Variants in FAM135B observed in about 807,000 individuals in gnomAD.
FAM135B encodes family with sequence similarity 135 member B.
In FAM135B, 43 loss-of-function variants were observed where a neutral mutation model predicts 127.7. The ratio of observed to expected loss-of-function variants is 0.34; its 90% CI spans 0.26 to 0.43. The LOEUF is 0.43. FAM135B is among the 20% of genes least tolerant of loss of function. The pLI, the probability that FAM135B is intolerant of heterozygous loss-of-function variation, is 1.00. For synonymous variants in FAM135B, 670 were observed against 665.1 expected, an observed-to-expected ratio of 1.01 and a Z score of -0.11; for missense variants, 1,558 against 1,725.6, an observed-to-expected ratio of 0.90 and a Z score of 1.72.
chr8:138,388,804 C>T (rs1832370452), intron 1 of FAM135B, among the ~76,000 whole-genome samples: 1 of 152,116 alleles, frequency 6.6e-6, no homozygotes, highest in African/African-American at 2.4e-5. Context: ...CTCAGTAGGA[C>T]ATTACAATGG....
Position 138,442,236 on chromosome 8 carries a change from C to CTATATATATA in FAM135B, c.-20+54434_-20+54435insTATATATATA, listed in dbSNP as rs1564005402. ...AAATTTAACGTGAAGAATATGGACA[C>CTATATATATA]CATATATATATATATATATATATAT... On this transcript the variant is annotated intron_variant, in intron 1 of 19. Coordinates refer to ENST00000395297, the MANE Select transcript of FAM135B (RefSeq NM_015912.4). Among the ~76,000 whole-genome samples the CTATATATATA allele has an allele frequency of 8.6e-3, 113 of 13,070 alleles. 15 individuals carry two copies. Among genetic ancestry groups the CTATATATATA allele is most frequent in the Admixed American group, 0.011 (8 of 736 alleles). The allele number at this position is 13,070 out of a possible 152,430, so 8.6% of individuals were successfully genotyped here.
At chr8:138,401,991 T>C (rs1833177954) in intron 1 of FAM135B, among the ~76,000 whole-genome samples, 1 of 152,126 alleles carries the variant, frequency 6.6e-6, no homozygotes, top group East Asian at 1.9e-4. Flanking sequence ...GTCTACTGTA[T>C]GCCTGTCCCT....
At chr8:138,446,820 T>C (rs1229299599) in intron 1 of FAM135B, among the ~76,000 whole-genome samples, 1 of 151,542 alleles carries the variant, frequency 6.6e-6, no homozygotes, top group African/African-American at 2.4e-5. Flanking sequence ...CTAATTAAAC[T>C]AAAGAGCTTC....
chr8:138,445,017 A>AT (rs1157899508), intron 1 of FAM135B, among the ~76,000 whole-genome samples: 1 of 152,242 alleles, frequency 6.6e-6, no homozygotes, highest in Non-Finnish European at 1.5e-5. Context: ...AGAGAATACT[A>AT]TAAACACCTC....
chr8:138,432,695 T>A (rs1424069784), intron 1 of FAM135B, among the ~76,000 whole-genome samples: 5 of 152,012 alleles, frequency 3.3e-5, no homozygotes, highest in Admixed American at 2.0e-4. Context: ...ATTTTGCTCT[T>A]TCATCTTCTA....
chr8:138,370,007 A>G (rs1483785391), intron 1 of FAM135B, among the ~76,000 whole-genome samples: 1 of 152,120 alleles, frequency 6.6e-6, no homozygotes, highest in African/African-American at 2.4e-5. Context: ...CCAGCCTACC[A>G]TCTACTACAC....
At chr8:138,263,721 T>G (rs1256802143) in intron 4 of FAM135B, among the ~76,000 whole-genome samples, 1 of 152,146 alleles carries the variant, frequency 6.6e-6, no homozygotes, top group African/African-American at 2.4e-5. Context: ...ACAGGGCACA[T>G]GGTGGATGCT....
intron 7 of FAM135B, among the ~76,000 whole-genome samples, chr8:138,216,064 T>C (rs1818519378): frequency 6.6e-6 from 1 of 152,156 alleles, no homozygotes; most frequent in Non-Finnish European, 1.5e-5. Flanking sequence ...TACATGCTAC[T>C]ACACCTACAG....
chr8:138,189,245 T>C (rs1441606925), intron 9 of FAM135B, among the ~76,000 whole-genome samples: 1 of 152,156 alleles, frequency 6.6e-6, no homozygotes, highest in Non-Finnish European at 1.5e-5. Flanking sequence ...GGCCAAACCC[T>C]GAGGGAAGAT....
chr8:138,197,003 C>A (rs948433125), intron 8 of FAM135B, among the ~76,000 whole-genome samples: 4 of 152,014 alleles, frequency 2.6e-5, no homozygotes, highest in African/African-American at 9.7e-5. Flanking sequence ...ATCAACTGAT[C>A]CCCAGATAAC....
intron 9 of FAM135B, among the ~76,000 whole-genome samples, chr8:138,188,771 G>C (rs1428037107): frequency 6.6e-6 from 1 of 152,116 alleles, no homozygotes; most frequent in African/African-American, 2.4e-5. Flanking sequence ...TACCGCCTTT[G>C]TGCAAACAGA....
intron 7 of FAM135B, among the ~76,000 whole-genome samples, chr8:138,202,294 G>A (rs187201525): frequency 1.3e-5 from 2 of 152,072 alleles, no homozygotes; most frequent in Non-Finnish European, 2.9e-5. Flanking sequence ...TTGTTACCCA[G>A]GTTGGAGTAC....
At chr8:138,443,201 T>G (rs766958083) in intron 1 of FAM135B, among the ~76,000 whole-genome samples, 27 of 152,182 alleles carry the variant, frequency 1.8e-4, no homozygotes, top group Non-Finnish European at 3.4e-4. Flanking sequence ...AAAGCAGATT[T>G]TATCAATCCC....
chr8:138,332,605 G>A (rs1828266729), intron 2 of FAM135B, among the ~76,000 whole-genome samples: 1 of 152,016 alleles, frequency 6.6e-6, no homozygotes, highest in Non-Finnish European at 1.5e-5. Flanking sequence ...ACGGGTGGAT[G>A]ATGAGGCTCC....
At chr8:138,362,401 C>A (rs1341108698) in intron 2 of FAM135B, among the ~76,000 whole-genome samples, 3 of 151,052 alleles carry the variant, frequency 2.0e-5, no homozygotes, top group Non-Finnish European at 2.9e-5. Flanking sequence ...ACATGCGAGT[C>A]TTCACTGACA....
chr8:138,237,677 A>G (rs562590879), intron 7 of FAM135B, among the ~76,000 whole-genome samples: 4 of 152,218 alleles, frequency 2.6e-5, no homozygotes, highest in Non-Finnish European at 4.4e-5. Flanking sequence ...GGCCCTGTTC[A>G]GTCAGTTGAA....
intron 15 of FAM135B, among the ~76,000 whole-genome samples, chr8:138,144,089 G>A (rs1817449298): frequency 6.6e-6 from 1 of 152,166 alleles, no homozygotes; most frequent in Non-Finnish European, 1.5e-5. Flanking sequence ...TTATTACAGG[G>A]GGATAGTGTC....
chr8:138,433,068 A>G (rs187363137), intron 1 of FAM135B, among the ~76,000 whole-genome samples: 6 of 152,244 alleles, frequency 3.9e-5, no homozygotes, highest in African/African-American at 1.4e-4. Flanking sequence ...AGCAAAGGGT[A>G]GAGGACACAT....
intron 1 of FAM135B, among the ~76,000 whole-genome samples, chr8:138,485,157 T>C (rs987110927): frequency 1.3e-5 from 2 of 152,234 alleles, no homozygotes; most frequent in Non-Finnish European, 1.5e-5. Flanking sequence ...TTAGAAATTA[T>C]ACTCTTATTT....
Sources: allele counts gnomAD v4.1 joint callset (sites outside exome capture counted in the v4.1 genomes callset), GRCh38; gene constraint gnomAD v4.1.1; transcripts MANE v1.5; gene names NCBI Gene and HGNC (gene_info 2026-07-23, HGNC 2026-07-21).